The following MAGI2 variants were observed in gnomAD, a reference collection of about 807,000 sequenced individuals.
MAGI2 encodes membrane associated guanylate kinase, WW and PDZ domain containing 2.
In MAGI2, 35 loss-of-function variants were observed where a neutral mutation model predicts 133.3. The observed-to-expected ratio is 0.26, with a 90% CI of 0.20 to 0.35. The LOEUF (loss-of-function observed/expected upper bound fraction) is 0.35. MAGI2 is among the 10% of genes least tolerant of loss of function. The probability of loss-of-function intolerance (pLI) is 1.00; values close to 1 mark genes in which losing one functional copy is unlikely to be tolerated. For missense variants in MAGI2, 1,636 were observed against 1,863.4 expected, an observed-to-expected ratio of 0.88 and a Z score of 2.25; for synonymous variants, 729 against 710.6, an observed-to-expected ratio of 1.03 and a Z score of -0.41.
rs1374520515 is a variant in MAGI2 at position 79,087,322 on chromosome 7, ATATTGGATGAGTTC to A, written c.302-80130_302-80117del. On this transcript the variant is annotated intron_variant, in intron 1 of 21. Coordinates refer to ENST00000354212, the MANE Select transcript of MAGI2 (RefSeq NM_012301.4). ...GCTTTCCTTCTGTCTGCATAGATAA[ATATTGGATGAGTTC>A]TGATTGTTCATCCATGAAGGAATAA... 4.6e-5 allele frequency among the ~76,000 whole-genome samples: 7 copies of A among 152,030 alleles called. No individual in the cohort carries two copies. The East Asian group carries it at 1.4e-3, about 29-fold the overall frequency.
intron 2 of MAGI2, among the ~76,000 whole-genome samples, chr7:78,628,582 AT>A (rs1443602570): frequency 6.6e-6 from 1 of 151,816 alleles, no homozygotes; most frequent in East Asian, 1.9e-4. Flanking sequence ...TATTGAAAAC[AT>A]TTTTTAAGAT....
chr7:78,238,595 T>C (rs975491562), intron 10 of MAGI2, among the ~76,000 whole-genome samples: 2 of 152,036 alleles, frequency 1.3e-5, no homozygotes, highest in Non-Finnish European at 2.9e-5. Context: ...CATCAGTAAA[T>C]CCTGTGGCTC....
At chr7:78,656,796 C>G (rs1490492714) in intron 2 of MAGI2, among the ~76,000 whole-genome samples, 2 of 151,568 alleles carry the variant, frequency 1.3e-5, no homozygotes, top group African/African-American at 4.8e-5. Context: ...ATTTTATTTG[C>G]CAATTATACT....
chr7:78,019,354 G>A lies in MAGI2; in HGVS notation c.4329C>T (p.Pro1443=), dbSNP rs13438302. ...PWKVPGSDKL[P]SVLKPGASAA... is the part of the protein sequence containing the mutation. ...CCGAGGCGCCGGGTTTGAGGACGCT[G>A]GGCAGCTTGTCAGAACCCGGCACCT... The change falls in exon 22 of 22, where the codon CCC becomes CCT. Residue 1443 remains proline, a synonymous_variant. Coordinates refer to ENST00000354212, the MANE Select transcript of MAGI2 (RefSeq NM_012301.4). The A allele has an allele frequency of 2.0e-6, 3 of 1,509,776 alleles. No individual in the cohort carries two copies. The highest frequency in any genetic ancestry group is 1.8e-6 in the Non-Finnish European group (2 of 1,137,536). The allele number at this position is 1,509,776 out of a possible 1,614,324, so 93.5% of individuals were successfully genotyped here. A position where few individuals can be genotyped will look rare whatever the true frequency, so the allele number is the denominator to read the frequency against.
chr7:78,487,555 T>C (rs1793164363), intron 6 of MAGI2, among the ~76,000 whole-genome samples: 1 of 152,058 alleles, frequency 6.6e-6, no homozygotes, highest in African/African-American at 2.4e-5. Flanking sequence ...TTTTCTAAAA[T>C]CTTTATCACC....
chr7:78,029,925 C>A (rs1337901263), intron 21 of MAGI2, among the ~76,000 whole-genome samples: 1 of 152,210 alleles, frequency 6.6e-6, no homozygotes, highest in Admixed American at 6.5e-5. Context: ...GAAGGACAGA[C>A]TTTACCTTTC....
chr7:78,199,888 A>G (rs559617356), intron 11 of MAGI2, among the ~76,000 whole-genome samples: 1 of 152,342 alleles, frequency 6.6e-6, no homozygotes, highest in South Asian at 2.1e-4. Flanking sequence ...GTATAAGGAA[A>G]TCACTAGATT....
At chr7:78,287,385 G>A (rs1044022097) in intron 9 of MAGI2, among the ~76,000 whole-genome samples, 1 of 152,252 alleles carries the variant, frequency 6.6e-6, no homozygotes, top group South Asian at 2.1e-4. Context: ...AGCTCAGACT[G>A]TTAAGGTGTT....
At chr7:78,191,009 C>T (rs942672114) in intron 12 of MAGI2, among the ~76,000 whole-genome samples, 12 of 152,020 alleles carry the variant, frequency 7.9e-5, no homozygotes, top group African/African-American at 2.9e-4. Flanking sequence ...AGAATAGTCA[C>T]GTTTGTCTAA....
intron 2 of MAGI2, among the ~76,000 whole-genome samples, chr7:78,759,739 A>G (rs979998056): frequency 1.3e-5 from 2 of 152,210 alleles, no homozygotes; most frequent in Admixed American, 6.5e-5. Flanking sequence ...ATAGTTGAGT[A>G]TCTTAATGTG....
chr7:78,431,233 G>T (rs747078202), intron 6 of MAGI2, among the ~76,000 whole-genome samples: 3 of 152,000 alleles, frequency 2.0e-5, no homozygotes, highest in Non-Finnish European at 4.4e-5. Flanking sequence ...GTGAGTGAAG[G>T]TTCAGTAATT....
At chr7:78,291,804 G>C (rs1319082264) in intron 9 of MAGI2, among the ~76,000 whole-genome samples, 9 of 151,934 alleles carry the variant, frequency 5.9e-5, no homozygotes, top group African/African-American at 2.2e-4. Flanking sequence ...ATGTAATTCA[G>C]CATATAAACA....
rs1489951423 is a variant in MAGI2, at chr7:79,168,912, A to ATG, written c.302-161707_302-161706insCA. Reference sequence around the variant, plus strand: ...TAGATATATATATATATATATATATATATATATATATATATATATATAAAT... The same window carrying ATG: ...TAGATATATATATATATATATATATATGTATATATATATATATATATATAAAT... On this transcript the variant is annotated intron_variant, in intron 1 of 21. Transcript: ENST00000354212. Among the ~76,000 whole-genome samples, 5 of 10,604 alleles carry ATG rather than the reference A, an allele frequency of 4.7e-4. No individual in the cohort carries two copies. In the East Asian group the frequency reaches 8.4e-3, roughly 18 times the overall value. 7.0% of individuals were successfully genotyped at this position (10,604 alleles called of 152,430 possible). A position where few individuals can be genotyped will look rare whatever the true frequency, so the allele number is the denominator to read the frequency against.
At chr7:79,077,530 G>C (rs1039819354) in intron 1 of MAGI2, among the ~76,000 whole-genome samples, 1 of 128,076 alleles carries the variant, frequency 7.8e-6, no homozygotes, top group Non-Finnish European at 1.6e-5. Flanking sequence ...AGCCGAGATT[G>C]TGCCACTGCA....
At chr7:78,465,118 CA>C (rs1007640624) in intron 6 of MAGI2, among the ~76,000 whole-genome samples, 12 of 151,968 alleles carry the variant, frequency 7.9e-5, no homozygotes, top group African/African-American at 2.9e-4. Context: ...CACAAAACAA[CA>C]AAAAAAGTTT....
Position 79,021,226 on chromosome 7 carries a change from A to G in MAGI2, c.302-14020T>C, listed in dbSNP as rs375929781. Among the ~76,000 whole-genome samples the G allele has an allele frequency of 2.6e-4, 39 of 152,336 alleles. No homozygotes were observed. In the South Asian group the frequency reaches 8.1e-3, roughly 32 times the overall value. On this transcript the variant is annotated intron_variant, in intron 1 of 21. Coordinates refer to ENST00000354212, the MANE Select transcript of MAGI2 (RefSeq NM_012301.4). ...AGAACCTCTGCTAGGGCAGTGCAGA[A>G]GGGAAATGTGGGTTTGGAGCCCCCA...
intron 1 of MAGI2, among the ~76,000 whole-genome samples, chr7:79,418,033 T>G (rs1846665307): frequency 6.6e-6 from 1 of 152,058 alleles, no homozygotes; most frequent in South Asian, 2.1e-4. Flanking sequence ...TATTATAAAA[T>G]TCACCCAAAT....
intron 1 of MAGI2, among the ~76,000 whole-genome samples, chr7:79,025,762 G>A (rs528337034): frequency 6.6e-6 from 1 of 152,266 alleles, no homozygotes; most frequent in South Asian, 2.1e-4. Context: ...AAACTGAGTT[G>A]GAGAGACTGA....
intron 9 of MAGI2, among the ~76,000 whole-genome samples, chr7:78,258,719 C>T (rs564798837): frequency 6.6e-6 from 1 of 152,194 alleles, no homozygotes; most frequent in Admixed American, 6.5e-5. Context: ...TGTAACTTTT[C>T]TTAAAATATG....
Sources: allele counts gnomAD v4.1 joint callset (sites outside exome capture counted in the v4.1 genomes callset), GRCh38; gene constraint gnomAD v4.1.1; transcripts MANE v1.5; gene names NCBI Gene and HGNC (gene_info 2026-07-23, HGNC 2026-07-21).